The following STAC2 variants were observed in gnomAD, a reference collection of about 807,000 sequenced individuals.
The protein encoded by STAC2 is SH3 and cysteine-rich domain-containing protein 2.
In STAC2, 36 loss-of-function variants were observed where a neutral mutation model predicts 49.0. The ratio of observed to expected loss-of-function variants is 0.74; its 90% CI spans 0.56 to 0.97. The LOEUF (loss-of-function observed/expected upper bound fraction) is 0.97. STAC2 is among the 50% of genes least tolerant of loss of function. STAC2 has a pLI of 0.00. For missense variants in STAC2, 527 were observed against 543.8 expected, an observed-to-expected ratio of 0.97 and a Z score of 0.31; for synonymous variants, 239 against 214.7, an observed-to-expected ratio of 1.11 and a Z score of -0.99.
chr17:39,215,109 C>T lies in STAC2; in HGVS notation c.699+9G>A, dbSNP rs2144234789. On this transcript the variant is annotated intron_variant, in intron 5 of 10. Coordinates refer to ENST00000333461, the MANE Select transcript of STAC2 (RefSeq NM_198993.5). The stretch of plus-strand genomic sequence containing the variant: ...TCCCCAAAAGACCCCCCCTTTTTGC[C>T]CACCATACCAGGCTCCTTGTCGGGG... 2.5e-6 allele frequency: 4 copies of T among 1,613,954 alleles called. No individual in the cohort carries two copies. Among genetic ancestry groups the T allele is most frequent in the Non-Finnish European group, 2.5e-6 (3 of 1,179,974 alleles).
intron 8 of STAC2, among the ~76,000 whole-genome samples, 165 bp downstream of exon 8, chr17:39,214,068 C>T (rs1025667468): frequency 6.6e-6 from 1 of 152,030 alleles, no homozygotes; most frequent in Non-Finnish European, 1.5e-5. Flanking sequence ...GCGGGAGACA[C>T]GACATTAGCA....
intron 2 of STAC2, 40 bp from the exon 3 acceptor site, chr17:39,217,213 T>C: frequency 1.3e-6 from 2 of 1,596,490 alleles, no homozygotes; most frequent in South Asian, 2.2e-5. Context: ...GACACCCCCG[T>C]GGGCAACAGG....
At chr17:39,216,302 C>G (rs2046401437) in intron 4 of STAC2, among the ~76,000 whole-genome samples, 1 of 152,210 alleles carries the variant, frequency 6.6e-6, no homozygotes, top group African/African-American at 2.4e-5. Flanking sequence ...ATTCTATGCT[C>G]TATTCCTTAT....
In STAC2 at chr17:39,212,306, G is replaced by C; in HGVS notation, c.1222C>G (p.Leu408Val). ...KKRGLVPVDA[L>V]TEI ...CTTGGCTCCTCTCAGATCTCAGTCA[G>C]GGCGTCGACTGGCACCAGGCCCCGC... Residue 408 changes from leucine to valine, a missense_variant, in exon 11 of 11, where the codon CTG (leucine) becomes GTG (valine). By Grantham distance (32) the Leu-to-Val change is conservative. Coordinates refer to ENST00000333461, the MANE Select transcript of STAC2 (RefSeq NM_198993.5). 1 of 1,609,978 alleles carries C rather than the reference G, an allele frequency of 6.2e-7. No homozygotes were observed. The highest frequency in any genetic ancestry group is 1.1e-5 in the South Asian group (1 of 90,054).
rs1169378859 is a variant in STAC2, at chr17:39,225,904, C to G, written c.-402G>C. On this transcript the variant is annotated 5_prime_UTR_variant, in exon 1 of 11. Coordinates refer to ENST00000333461, the MANE Select transcript of STAC2 (RefSeq NM_198993.5). This position sits in a 1 kb window ranked among gnomAD's most constrained non-coding sequence, Gnocchi z 8.2. ...CCCTCCCCCGCCGGCCCCAGCCCGG[C>G]ACCCGGCGGCCCCTCCGCCCAGTCC... 1 of 230,212 alleles carries G rather than the reference C, an allele frequency of 4.3e-6. No homozygotes were observed. The allele number at this position is 230,212 out of a possible 1,614,324, so 14.3% of individuals were successfully genotyped here. A position where few individuals can be genotyped will look rare whatever the true frequency, so the allele number is the denominator to read the frequency against.
chr17:39,216,892 G>A lies in STAC2; in HGVS notation c.504C>T (p.Ser168=). 1 of 1,601,644 alleles carries A rather than the reference G, an allele frequency of 6.2e-7. No homozygotes were observed. The highest frequency in any genetic ancestry group is 8.5e-7 in the Non-Finnish European group (1 of 1,174,160). ...HQQCPGKTST[S]FRRNFSSPLL... Reference sequence around the variant, plus strand: ...GAGGGGAACTGAAGTTGCGGCGGAAGGAGGTGGACTATGGCAAGAGAGGGC... The same window carrying A: ...GAGGGGAACTGAAGTTGCGGCGGAAAGAGGTGGACTATGGCAAGAGAGGGC... The change falls in exon 4 of 11, where the codon TCC becomes TCT. Residue 168 remains serine (S), a synonymous_variant. Transcript: ENST00000333461.
chr17:39,212,464 G>T, intron 10 of STAC2, 68 bp from the exon 11 acceptor site: 3 of 1,273,806 alleles, frequency 2.4e-6, no homozygotes, highest in South Asian at 1.3e-5. Context: ...TCCTGCCCAT[G>T]GCCCCCAGGG....
Position 39,215,098 on chromosome 17 carries a change from C to T in STAC2, c.699+20G>A. On this transcript the variant is annotated intron_variant, in intron 5 of 10. Coordinates refer to ENST00000333461, the MANE Select transcript of STAC2 (RefSeq NM_198993.5). ...TCAGACACCCCTCCCCAAAAGACCC[C>T]CCCTTTTTGCCCACCATACCAGGCT... The T allele has an allele frequency of 6.2e-7, 1 of 1,614,066 alleles. No homozygotes were observed. Among genetic ancestry groups the T allele is most frequent in the Non-Finnish European group, 8.5e-7 (1 of 1,180,018 alleles).
chr17:39,217,211 C>T (rs778643051), intron 2 of STAC2, 38 bp from the exon 3 acceptor site: 25 of 1,597,404 alleles, frequency 1.6e-5, no homozygotes, highest in Non-Finnish European at 1.5e-5. Context: ...AGGACACCCC[C>T]GTGGGCAACA....
intron 1 of STAC2, among the ~76,000 whole-genome samples, chr17:39,218,636 T>G (rs888263655): frequency 6.6e-6 from 1 of 152,364 alleles, no homozygotes. Flanking sequence ...CCTTGCTTTT[T>G]TTCATAAACA....
chr17:39,217,703 A>G (rs1362512268), intron 2 of STAC2, among the ~76,000 whole-genome samples, 164 bp downstream of exon 2: 1 of 151,762 alleles, frequency 6.6e-6, no homozygotes, highest in Non-Finnish European at 1.5e-5. Context: ...AGCCTGGGAG[A>G]CAGAGCAAGA....
rs1199692733 is a variant in STAC2 at position 39,212,320 on chromosome 17, A to G, written c.1208T>C (p.Val403Ala). 6.2e-7 allele frequency: 1 copy of G among 1,611,900 alleles called. No individual in the cohort carries two copies. Among genetic ancestry groups the G allele is most frequent in the East Asian group, 2.2e-5 (1 of 44,854 alleles). ...GATCTCAGTCAGGGCGTCGACTGGC[A>G]CCAGGCCCCGCTTCTTGCCACTGCT... ...RVSSGKKRGLVPVDALTEI is the reference protein window; with the variant it reads ...RVSSGKKRGLAPVDALTEI The change falls in exon 11 of 11, where the codon GTG (valine) becomes GCG (alanine). Residue 403 changes from valine (V) to alanine (A), a missense_variant. By Grantham distance (64) the Val-to-Ala change is moderately conservative. Transcript: ENST00000333461.
At chr17:39,219,694 A>G (rs2046442749) in intron 1 of STAC2, among the ~76,000 whole-genome samples, 1 of 152,208 alleles carries the variant, frequency 6.6e-6, no homozygotes, top group Admixed American at 6.5e-5. Context: ...CGGTGAGGCC[A>G]GAGCTATTTC....
intron 1 of STAC2, among the ~76,000 whole-genome samples, chr17:39,223,670 C>T (rs1282568101): frequency 1.3e-5 from 2 of 152,316 alleles, no homozygotes; most frequent in South Asian, 2.1e-4. Context: ...TCCAGCACTC[C>T]CACATAGGAG....
rs1411461813 is a variant in STAC2 at position 39,225,081 on chromosome 17, C to T, written c.90+332G>A. Reference sequence around the variant, plus strand: ...GGGACCCGGCGGCCGCTGGAGGGTGCGCCTCGCACGCACAGCCGGGCGCGT... The same window carrying T: ...GGGACCCGGCGGCCGCTGGAGGGTGTGCCTCGCACGCACAGCCGGGCGCGT... On this transcript the variant is annotated intron_variant, in intron 1 of 10. Transcript: ENST00000333461. This position sits in a 1 kb window ranked among gnomAD's most constrained non-coding sequence, Gnocchi z 8.2. Among the ~76,000 whole-genome samples, 1 of 152,054 alleles carries T rather than the reference C, an allele frequency of 6.6e-6. No homozygotes were observed. The highest frequency in any genetic ancestry group is 1.9e-4 in the East Asian group (1 of 5,178).
intron 1 of STAC2, among the ~76,000 whole-genome samples, chr17:39,220,269 ACCAAGTGTGG>A (rs1378459196): frequency 1.3e-5 from 2 of 152,130 alleles, no homozygotes; most frequent in African/African-American, 4.8e-5. Flanking sequence ...GCCAGCCAGG[ACCAAGTGTGG>A]CTCTGGGGGC....
chr17:39,218,181 A>T lies in STAC2; in HGVS notation c.91-8T>A, dbSNP rs2046426466. The stretch of plus-strand genomic sequence containing the variant: ...GCGCTTGAATCGCTGGAGCTGGGAG[A>T]AAAAGAGGGAGCTGTGAGTGGGAGC... On this transcript the variant is annotated splice_region_variant and splice_polypyrimidine_tract_variant and intron_variant, in intron 1 of 10. Coordinates refer to ENST00000333461, the MANE Select transcript of STAC2 (RefSeq NM_198993.5). The T allele has an allele frequency of 1.9e-6, 3 of 1,612,904 alleles. No homozygotes were observed. Among genetic ancestry groups the T allele is most frequent in the Non-Finnish European group, 2.5e-6 (3 of 1,179,938 alleles).
chr17:39,224,854 G>A (rs2046495902), intron 1 of STAC2, among the ~76,000 whole-genome samples: 1 of 152,058 alleles, frequency 6.6e-6, no homozygotes, highest in Admixed American at 6.5e-5. Flanking sequence ...TCGCGTCCCC[G>A]AGCCCAACAG....
chr17:39,218,028 G>T lies in STAC2; in HGVS notation c.236C>A (p.Pro79Gln). 1 of 1,591,556 alleles carries T rather than the reference G, an allele frequency of 6.3e-7. No individual in the cohort carries two copies. Among genetic ancestry groups the T allele is most frequent in the East Asian group, 2.3e-5 (1 of 44,090 alleles). Reference sequence around the variant, plus strand: ...GCCCCTGTCCGAGGCTGTGGGTGGTGGGGAGGGAGGGGGCAGTGGGGTTGG... The same window carrying T: ...GCCCCTGTCCGAGGCTGTGGGTGGTTGGGAGGGAGGGGGCAGTGGGGTTGG... ...TPPTPLPPPSPPPTASDRGLA... is the reference protein window; with the variant it reads ...TPPTPLPPPSQPPTASDRGLA... The change falls in exon 2 of 11, where the codon CCA becomes CAA. Residue 79 changes from proline (P) to glutamine (Q), a missense_variant. By Grantham distance (76) the Pro-to-Gln change is moderately conservative (BLOSUM62 -1). Transcript: ENST00000333461.
Sources: allele counts gnomAD v4.1 joint callset (sites outside exome capture counted in the v4.1 genomes callset), GRCh38; gene constraint gnomAD v4.1.1; non-coding constraint Gnocchi (gnomAD v3.1); transcripts MANE v1.5; gene names NCBI Gene and HGNC (gene_info 2026-07-23, HGNC 2026-07-21).